Variants in FARS2 observed in about 807,000 individuals in gnomAD.
The protein encoded by FARS2 is phenylalanine--tRNA ligase, mitochondrial.
FARS2 carries 40 observed loss-of-function variants against 46.4 expected under a neutral mutation model. That is an observed-to-expected ratio of 0.86 (90% CI 0.67 to 1.12). The LOEUF (loss-of-function observed/expected upper bound fraction) is 1.12, where lower values mean the gene tolerates loss of function less well. Among genes scored for constraint, FARS2 ranks in the 50% most tolerant of loss-of-function variants. The pLI, the probability that FARS2 is intolerant of heterozygous loss-of-function variation, is 0.00. For missense variants in FARS2, 513 were observed against 567.9 expected, an observed-to-expected ratio of 0.90 and a Z score of 0.98; for synonymous variants, 234 against 214.9, an observed-to-expected ratio of 1.09 and a Z score of -0.78.
At chr6:5,565,961 G>A (rs1772299159) in intron 5 of FARS2, among the ~76,000 whole-genome samples, 2 of 152,180 alleles carry the variant, frequency 1.3e-5, no homozygotes, top group African/African-American at 2.4e-5. Context: ...ACATGAAACC[G>A]TGTGGATTAT....
In FARS2 at chr6:5,734,856, C is replaced by T. The variant is rs183703580; in HGVS notation, c.1218-36435C>T. ...ATACATGCATACATACAATCTGAAT[C>T]TATAGTGTAGATAGAAACTGTGTCT... On this transcript the variant is annotated intron_variant, in intron 6 of 6. Transcript: ENST00000274680. Among the ~76,000 whole-genome samples, 20 of 152,236 alleles carry T rather than the reference C, an allele frequency of 1.3e-4. No homozygotes were observed. The South Asian group carries it at 4.2e-3, about 32-fold the overall frequency.
At chr6:5,635,653 C>T (rs941472385) in intron 6 of FARS2, among the ~76,000 whole-genome samples, 18 of 152,066 alleles carry the variant, frequency 1.2e-4, no homozygotes, top group Non-Finnish European at 2.2e-4. Flanking sequence ...ATGGCAGAAT[C>T]GGAACACGCA....
chr6:5,649,878 G>C (rs1777260265), intron 6 of FARS2, among the ~76,000 whole-genome samples: 6 of 152,146 alleles, frequency 3.9e-5, no homozygotes, highest in Admixed American at 3.9e-4. Context: ...AGTAATTGTT[G>C]GTGAGTGAGG....
intron 4 of FARS2, among the ~76,000 whole-genome samples, chr6:5,436,160 C>T (rs1308512962): frequency 6.6e-6 from 1 of 152,172 alleles, no homozygotes; most frequent in Non-Finnish European, 1.5e-5. Context: ...GAAGGTGGTG[C>T]CAGGCCTTTC....
chr6:5,622,567 G>A (rs572224838), intron 6 of FARS2, among the ~76,000 whole-genome samples: 2 of 152,290 alleles, frequency 1.3e-5, no homozygotes, highest in African/African-American at 4.8e-5. Context: ...TTATAGAAGA[G>A]GCTTCAGAGA....
chr6:5,271,243 G>T lies in FARS2; in HGVS notation c.-22+9583G>T, dbSNP rs371521877. Among the ~76,000 whole-genome samples, 41 of 152,266 alleles carry T rather than the reference G, an allele frequency of 2.7e-4. No individual in the cohort carries two copies. In the South Asian group the frequency reaches 7.7e-3, roughly 28 times the overall value. ...TCTCGGTTATGGGAAACCATCAACA[G>T]TTTGGGGGCGCTTGTTTCCAAAACC... On this transcript the variant is annotated intron_variant, in intron 1 of 6. Coordinates refer to ENST00000274680, the MANE Select transcript of FARS2 (RefSeq NM_006567.5).
chr6:5,373,813 T>C (rs1054798113), intron 2 of FARS2, among the ~76,000 whole-genome samples: 16 of 152,168 alleles, frequency 1.1e-4, no homozygotes, highest in Middle Eastern at 3.4e-3. Context: ...AAGGACCCAA[T>C]TTCTTCAAAT....
At chr6:5,462,018 T>A (rs1429056335) in intron 4 of FARS2, among the ~76,000 whole-genome samples, 2 of 152,198 alleles carry the variant, frequency 1.3e-5, no homozygotes, top group African/African-American at 2.4e-5. Flanking sequence ...AAAGTGACCG[T>A]ACATGAGCAA....
chr6:5,357,109 A>G (rs575995075), intron 1 of FARS2, among the ~76,000 whole-genome samples: 60 of 152,338 alleles, frequency 3.9e-4, no homozygotes, highest in African/African-American at 1.2e-3. Flanking sequence ...GAATTATAAA[A>G]TAAAAAGTTG....
At chr6:5,305,651 G>T (rs1259363701) in intron 1 of FARS2, among the ~76,000 whole-genome samples, 1 of 152,172 alleles carries the variant, frequency 6.6e-6, no homozygotes, top group Non-Finnish European at 1.5e-5. Context: ...ACAGATGGTG[G>T]GTGACTGGGG....
chr6:5,692,315 C>T (rs150145523), intron 6 of FARS2, among the ~76,000 whole-genome samples: 2,667 of 152,302 alleles, frequency 0.018, 65 homozygotes, highest in African/African-American at 0.057. Flanking sequence ...TGTTCCTATT[C>T]GGCCATCTTG....
intron 6 of FARS2, among the ~76,000 whole-genome samples, chr6:5,717,773 C>T (rs1275967028): frequency 1.3e-5 from 2 of 151,960 alleles, no homozygotes; most frequent in Non-Finnish European, 2.9e-5. Context: ...ATGAGCACTG[C>T]CTAAGTCCAT....
At chr6:5,401,003 T>C (rs1761223423) in intron 2 of FARS2, among the ~76,000 whole-genome samples, 1 of 152,090 alleles carries the variant, frequency 6.6e-6, no homozygotes, top group Non-Finnish European at 1.5e-5. Flanking sequence ...TTTTTTATTG[T>C]ATCCATTTGC....
At chr6:5,543,921 G>C in intron 4 of FARS2, among the ~76,000 whole-genome samples, 1 of 148,984 alleles carries the variant, frequency 6.7e-6, no homozygotes, top group East Asian at 2.0e-4. Flanking sequence ...ATTACACTTA[G>C]TGGCCTAACA....
the FARS2 span, among the ~76,000 whole-genome samples, chr6:5,254,414 T>C: frequency 6.6e-6 from 1 of 152,226 alleles, no homozygotes; most frequent in Non-Finnish European, 1.5e-5. Context: ...ACTTATTTCT[T>C]GTTGGCAAAA....
chr6:5,415,788 T>G (rs2127739947), intron 3 of FARS2, among the ~76,000 whole-genome samples: 1 of 152,310 alleles, frequency 6.6e-6, no homozygotes, highest in Non-Finnish European at 1.5e-5. Flanking sequence ...GCTCACTGCA[T>G]CCTTGACCTC....
At chr6:5,418,815 G>C (rs569772938) in intron 3 of FARS2, among the ~76,000 whole-genome samples, 1 of 152,122 alleles carries the variant, frequency 6.6e-6, no homozygotes, top group Non-Finnish European at 1.5e-5. Context: ...TGGGGGGTCT[G>C]TGTCCTTGGT....
chr6:5,758,323 C>A (rs1220184516), intron 6 of FARS2, among the ~76,000 whole-genome samples: 1 of 152,046 alleles, frequency 6.6e-6, no homozygotes, highest in Non-Finnish European at 1.5e-5. Flanking sequence ...ATTACTTTTT[C>A]TCACCAATTT....
chr6:5,411,371 CT>C (rs1224732305), intron 3 of FARS2, among the ~76,000 whole-genome samples: 1 of 152,230 alleles, frequency 6.6e-6, no homozygotes, highest in Non-Finnish European at 1.5e-5. Flanking sequence ...TTTACCTTCT[CT>C]TCCCATTCAG....
Sources: allele counts gnomAD v4.1 joint callset (sites outside exome capture counted in the v4.1 genomes callset), GRCh38; gene constraint gnomAD v4.1.1; transcripts MANE v1.5; gene names NCBI Gene and HGNC (gene_info 2026-07-23, HGNC 2026-07-21).